KDM1A: variants seen among roughly 807,000 people sequenced by gnomAD.
KDM1A encodes lysine demethylase 1A, also known as lysine-specific histone demethylase 1A.
KDM1A carries 49 observed loss-of-function variants against 109.4 expected under a neutral mutation model. That is an observed-to-expected ratio of 0.45 (90% CI 0.36 to 0.57). The LOEUF (loss-of-function observed/expected upper bound fraction) is 0.57, where lower values mean the gene tolerates loss of function less well. Among genes scored for constraint, KDM1A ranks in the 20% least tolerant of loss-of-function variants. KDM1A has a pLI of 0.00. For synonymous variants in KDM1A, 380 were observed against 415.4 expected, an observed-to-expected ratio of 0.91 and a Z score of 1.04; for missense variants, 668 against 1,116.6, an observed-to-expected ratio of 0.60 and a Z score of 5.73.
chr1:23,068,142 A>G (rs1385582501), intron 10 of KDM1A, among the ~76,000 whole-genome samples: 1 of 152,074 alleles, frequency 6.6e-6, no homozygotes, highest in African/African-American at 2.4e-5. Flanking sequence ...GAAGGTCCTC[A>G]GGTTTGTTGA....
chr1:23,067,009 C>T (rs1182087235), intron 10 of KDM1A, among the ~76,000 whole-genome samples: 1 of 152,090 alleles, frequency 6.6e-6, no homozygotes, highest in Non-Finnish European at 1.5e-5. Flanking sequence ...AGAACAAGCT[C>T]TTTTTTTGGC....
At chr1:23,037,114 TA>T (rs1354701312) in intron 2 of KDM1A, among the ~76,000 whole-genome samples, 1 of 137,098 alleles carries the variant, frequency 7.3e-6, no homozygotes, top group Non-Finnish European at 1.6e-5. Flanking sequence ...CCATCTCCAC[TA>T]AAAAAAATAT....
At chr1:23,072,054 T>C (rs1557586073) in intron 13 of KDM1A, 70 bp from the exon 14 acceptor site, 5 of 917,444 alleles carry the variant, frequency 5.4e-6, no homozygotes, top group Non-Finnish European at 8.8e-6. Context: ...ACCTTATACT[T>C]TGTGGTACAA....
At chr1:23,066,755 T>C (rs1385654770) in intron 10 of KDM1A, among the ~76,000 whole-genome samples, 1 of 152,214 alleles carries the variant, frequency 6.6e-6, no homozygotes, top group African/African-American at 2.4e-5. Context: ...AGATTTCACA[T>C]TGAAATGTAA....
At chr1:23,046,638 TCTACTTCTAATTAAC>T (rs1642512110) in intron 3 of KDM1A, among the ~76,000 whole-genome samples, 1 of 152,228 alleles carries the variant, frequency 6.6e-6, no homozygotes, top group Non-Finnish European at 1.5e-5. Flanking sequence ...TCCCGCTTTT[TCTACTTCTAATTAAC>T]CTACTTCAAA....
In KDM1A at chr1:23,019,978, C is replaced by G. The variant is rs766266615; in HGVS notation, c.351+31C>G. On this transcript the variant is annotated intron_variant, in intron 1 of 20. Coordinates refer to ENST00000400181, the MANE Select transcript of KDM1A (RefSeq NM_001009999.3). The stretch of plus-strand genomic sequence containing the variant: ...GCTCGACCCTTCCCTCAAACGACAC[C>G]GCCTGGTGCCGAGCTTCCCCGAGGC... 2.1e-6 allele frequency: 3 copies of G among 1,457,808 alleles called. No individual in the cohort carries two copies. The Admixed American group carries it at 8.3e-5, about 40-fold the overall frequency. 90.3% of individuals were successfully genotyped at this position (1,457,808 alleles called of 1,614,324 possible).
At chr1:23,081,308 G>A (rs1643614452) in intron 18 of KDM1A, 138 bp from the exon 19 acceptor site, 1 of 961,014 alleles carries the variant, frequency 1.0e-6, no homozygotes, top group African/African-American at 1.6e-5. Flanking sequence ...AACATAATCT[G>A]TCTCTTCGCA....
chr1:23,026,237 G>C (rs1641796397), intron 1 of KDM1A, among the ~76,000 whole-genome samples: 1 of 152,106 alleles, frequency 6.6e-6, no homozygotes, highest in Non-Finnish European at 1.5e-5. Flanking sequence ...CTTTGCCGTA[G>C]ATAAAAGGGA....
chr1:23,056,060 T>C (rs962557255), intron 7 of KDM1A, 22 bp downstream of exon 7: 2 of 1,508,574 alleles, frequency 1.3e-6, no homozygotes, highest in Admixed American at 1.7e-5. Context: ...ATTTTGAGTT[T>C]AGAGGCTTGA....
intron 1 of KDM1A, among the ~76,000 whole-genome samples, chr1:23,024,362 A>G (rs1181878833): frequency 6.6e-6 from 1 of 152,202 alleles, no homozygotes; most frequent in Admixed American, 6.5e-5. Flanking sequence ...TTTAAGGAAT[A>G]AAAAGCAAGC....
chr1:23,049,152 C>CAAAAAAA (rs5773034), intron 3 of KDM1A, among the ~76,000 whole-genome samples: 1 of 75,226 alleles, frequency 1.3e-5, no homozygotes, highest in Non-Finnish European at 2.4e-5. Flanking sequence ...GACTCCCTCT[C>CAAAAAAA]AAAAAAAAAA....
chr1:23,027,501 A>ACCC (rs57814592), intron 1 of KDM1A, among the ~76,000 whole-genome samples: 14 of 104,636 alleles, frequency 1.3e-4, no homozygotes, highest in African/African-American at 2.8e-4. Flanking sequence ...TGTAGCCTTG[A>ACCC]CCCCCCCCCG....
chr1:23,022,431 G>A (rs1055458341), intron 1 of KDM1A, among the ~76,000 whole-genome samples: 1 of 151,822 alleles, frequency 6.6e-6, no homozygotes, highest in Non-Finnish European at 1.5e-5. Flanking sequence ...CGCCTCCAAG[G>A]TTCAAGTGAT....
intron 1 of KDM1A, among the ~76,000 whole-genome samples, chr1:23,023,777 G>A (rs1281947550): frequency 6.6e-6 from 1 of 152,186 alleles, no homozygotes; most frequent in Non-Finnish European, 1.5e-5. Flanking sequence ...CAGATTGTAA[G>A]TTTGGGGCAC....
At chr1:23,065,256 A>G (rs534135031) in intron 9 of KDM1A, among the ~76,000 whole-genome samples, 2 of 152,330 alleles carry the variant, frequency 1.3e-5, no homozygotes, top group Admixed American at 1.3e-4. Flanking sequence ...GGGGAAATAA[A>G]TGACTTAAAG....
intron 8 of KDM1A, among the ~76,000 whole-genome samples, chr1:23,058,143 C>T (rs890828133): frequency 1.3e-5 from 2 of 152,148 alleles, no homozygotes; most frequent in Non-Finnish European, 1.5e-5. Context: ...CCTCTCACCT[C>T]AGCCTCCCTA....
intron 2 of KDM1A, among the ~76,000 whole-genome samples, chr1:23,038,460 A>G (rs761409684): frequency 2.0e-5 from 3 of 152,168 alleles, no homozygotes; most frequent in Non-Finnish European, 4.4e-5. Flanking sequence ...TATTAACCAG[A>G]CACACCTTAA....
At chr1:23,033,302 A>ACC (rs1642044836) in intron 2 of KDM1A, among the ~76,000 whole-genome samples, 1 of 152,158 alleles carries the variant, frequency 6.6e-6, no homozygotes, top group Non-Finnish European at 1.5e-5. Flanking sequence ...CAAGCGGATC[A>ACC]CCTGAGGTCA....
intron 9 of KDM1A, 95 bp downstream of exon 9, chr1:23,059,262 C>T: frequency 2.4e-6 from 2 of 828,514 alleles, no homozygotes; most frequent in South Asian, 1.4e-5. Flanking sequence ...CATATATACA[C>T]ATATAGAGGT....
Sources: gnomAD v4.1 joint callset for allele counts (sites outside exome capture counted in the v4.1 genomes callset) on GRCh38, gnomAD v4.1.1 for gene constraint, MANE v1.5 for transcripts, NCBI Gene and HGNC (gene_info 2026-07-23, HGNC 2026-07-21) for gene names.